The following CNTN1 variants were observed in gnomAD, a reference collection of about 807,000 sequenced individuals.
CNTN1 encodes contactin 1, also known as contactin-1.
In CNTN1, 38 loss-of-function variants were observed where a neutral mutation model predicts 126.4. The observed-to-expected ratio is 0.30, with a 90% CI of 0.23 to 0.39. The LOEUF (loss-of-function observed/expected upper bound fraction) is 0.39, where lower values mean the gene tolerates loss of function less well. Ranked by LOEUF, CNTN1 falls within the 10% of genes least tolerant of loss-of-function variation. CNTN1 has a pLI of 1.00. For missense variants in CNTN1, 1,009 were observed against 1,248.4 expected (o/e 0.81, Z 2.89); for synonymous variants, 413 against 422.6 (o/e 0.98, Z 0.28).
chr12:40,972,717 A>T, intron 15 of CNTN1: 1 of 924,848 alleles, frequency 1.1e-6, no homozygotes, highest in African/African-American at 1.8e-5. Context: ...ATCCAGATTA[A>T]TTGCCATTTT....
intron 23 of CNTN1, among the ~76,000 whole-genome samples, chr12:41,066,842 T>TA (rs5797700): frequency 0.043 from 6,597 of 151,690 alleles, 334 homozygotes; most frequent in African/African-American, 0.11. Context: ...AGTTTAGATT[T>TA]AAAAAAAAAT....
intron 1 of CNTN1, among the ~76,000 whole-genome samples, chr12:40,852,555 C>G (rs185195098): frequency 4.5e-4 from 68 of 151,716 alleles, no homozygotes; most frequent in Admixed American, 3.7e-3. Flanking sequence ...GCCATATTCT[C>G]TCAATTCTAA....
intron 17 of CNTN1, among the ~76,000 whole-genome samples, chr12:40,995,758 T>G (rs767583779): frequency 6.6e-5 from 10 of 152,214 alleles, no homozygotes; most frequent in Non-Finnish European, 1.5e-4. Flanking sequence ...AAAAAAAAAT[T>G]AATTCTGTAA....
At chr12:40,896,635 C>T (rs569196503) in intron 1 of CNTN1, among the ~76,000 whole-genome samples, 20 of 152,276 alleles carry the variant, frequency 1.3e-4, no homozygotes, top group Non-Finnish European at 2.1e-4. Flanking sequence ...CACCAAATTT[C>T]GACAAAGAAA....
chr12:40,768,077 A>G (rs948902360), intron 1 of CNTN1, among the ~76,000 whole-genome samples: 2 of 152,204 alleles, frequency 1.3e-5, no homozygotes, highest in African/African-American at 4.8e-5. Context: ...CACAGTACAA[A>G]TGGAGATTGG....
At chr12:41,017,618 A>G (rs1185947329) in intron 19 of CNTN1, among the ~76,000 whole-genome samples, 1 of 152,074 alleles carries the variant, frequency 6.6e-6, no homozygotes, top group Non-Finnish European at 1.5e-5. Context: ...TAGGAAAAAA[A>G]CAATGCTAAT....
At chr12:40,773,658 C>T (rs371214744) in intron 1 of CNTN1, among the ~76,000 whole-genome samples, 1,742 of 7,408 alleles carry the variant, frequency 0.24, 55 homozygotes, top group African/African-American at 0.31. Context: ...TATATATACA[C>T]ATATATATAT....
Position 40,891,728 on chromosome 12 carries a change from G to C in CNTN1, c.-76-16629G>C, listed in dbSNP as rs375022555. Among the ~76,000 whole-genome samples the C allele has an allele frequency of 5.3e-5, 8 of 151,918 alleles. No homozygotes were observed. In the East Asian group the frequency reaches 1.5e-3, roughly 29 times the overall value. On this transcript the variant is annotated intron_variant, in intron 1 of 23. Transcript: ENST00000551295. ...ATTCTATATTTGAACTCTCTATTCT[G>C]TTCCATTGATCTATGTATCTGTATT...
chr12:40,780,697 A>AC (rs529004319), intron 1 of CNTN1, among the ~76,000 whole-genome samples: 13 of 150,544 alleles, frequency 8.6e-5, no homozygotes, highest in South Asian at 2.1e-4. Context: ...AAAAAAAAAA[A>AC]AAAAAACACC....
chr12:41,069,904 G>C, intron 23 of CNTN1, 55 bp from the exon 24 acceptor site: 1 of 1,413,766 alleles, frequency 7.1e-7, no homozygotes, highest in South Asian at 1.1e-5. Flanking sequence ...GACTAAATGA[G>C]CAATAGTGAC....
At chr12:40,810,236 T>G (rs1211497170) in intron 1 of CNTN1, among the ~76,000 whole-genome samples, 1 of 152,186 alleles carries the variant, frequency 6.6e-6, no homozygotes, top group Non-Finnish European at 1.5e-5. Context: ...TTTGTTGAGG[T>G]ATACTTGACA....
intron 1 of CNTN1, among the ~76,000 whole-genome samples, chr12:40,722,862 G>A (rs1295680940): frequency 6.6e-6 from 1 of 152,080 alleles, no homozygotes; most frequent in Non-Finnish European, 1.5e-5. Flanking sequence ...ATATAAGGCA[G>A]TAAAATTTTC....
At chr12:40,733,735 C>T (rs1942554097) in intron 1 of CNTN1, among the ~76,000 whole-genome samples, 1 of 151,948 alleles carries the variant, frequency 6.6e-6, no homozygotes, top group African/African-American at 2.4e-5. Context: ...TGTCTTTTTA[C>T]ATTTATCTCT....
chr12:41,064,528 T>C (rs1950009037), intron 23 of CNTN1, among the ~76,000 whole-genome samples: 1 of 152,252 alleles, frequency 6.6e-6, no homozygotes, highest in African/African-American at 2.4e-5. Context: ...CTATTAATCA[T>C]GCATTTCTGA....
intron 1 of CNTN1, among the ~76,000 whole-genome samples, chr12:40,888,457 G>A (rs576813917): frequency 3.2e-4 from 48 of 152,180 alleles, no homozygotes; most frequent in African/African-American, 1.1e-3. Context: ...GTCTTATTTT[G>A]AGTGTTCAAA....
At chr12:40,759,814 G>A (rs911471203) in intron 1 of CNTN1, among the ~76,000 whole-genome samples, 9 of 147,876 alleles carry the variant, frequency 6.1e-5, no homozygotes, top group Non-Finnish European at 1.2e-4. Context: ...CTGTGGGACT[G>A]GGGAGTGAAT....
At chr12:40,722,850 G>A (rs987158443) in intron 1 of CNTN1, among the ~76,000 whole-genome samples, 3 of 152,056 alleles carry the variant, frequency 2.0e-5, no homozygotes, top group African/African-American at 4.8e-5. Context: ...GAAGGAAAAT[G>A]TATATAAGGC....
At position 40,772,526 on chromosome 12, in the gene CNTN1, C is replaced by A. The variant is rs111527560; in HGVS notation, c.-77+79934C>A. The stretch of plus-strand genomic sequence containing the variant: ...CAGCGTTATAAGTTTGAAAGATTAA[C>A]TTTATACCTATACCTGTACAATTTT... On this transcript the variant is annotated intron_variant, in intron 1 of 23. Coordinates refer to ENST00000551295, the MANE Select transcript of CNTN1 (RefSeq NM_001843.4). 2.6e-5 allele frequency among the ~76,000 whole-genome samples: 4 copies of A among 151,996 alleles called. 1 individual carries two copies. The highest frequency in any genetic ancestry group is 9.6e-5 in the African/African-American group (4 of 41,510).
At position 41,039,136 on chromosome 12, in the gene CNTN1, A is replaced by G. The variant is rs1444321770; in HGVS notation, c.2980+9917A>G. Among the ~76,000 whole-genome samples, 8 of 152,238 alleles carry G rather than the reference A, an allele frequency of 5.3e-5. No homozygotes were observed. The South Asian group carries it at 1.5e-3, about 28-fold the overall frequency. On this transcript the variant is annotated intron_variant, in intron 23 of 23. Coordinates refer to ENST00000551295, the MANE Select transcript of CNTN1 (RefSeq NM_001843.4). ...CCTAAAGGTGATGAGAAGCCATTGA[A>G]CCAGTTTAAGGTGGGAAGTGACATG...
Sources: allele counts gnomAD v4.1 joint callset (sites outside exome capture counted in the v4.1 genomes callset), GRCh38; gene constraint gnomAD v4.1.1; transcripts MANE v1.5; gene names NCBI Gene and HGNC (gene_info 2026-07-23, HGNC 2026-07-21).